BICD1: variants seen among roughly 807,000 people sequenced by gnomAD.
The protein encoded by BICD1 is BICD cargo adaptor 1.
Under a neutral mutation model 92.5 loss-of-function variants are expected in BICD1, and 35 were observed. The ratio of observed to expected loss-of-function variants is 0.38; its 90% CI spans 0.29 to 0.50. The LOEUF (loss-of-function observed/expected upper bound fraction) is 0.50, where lower values mean the gene tolerates loss of function less well. Among genes scored for constraint, BICD1 ranks in the 20% least tolerant of loss-of-function variants. The pLI is 0.93. For synonymous variants in BICD1, 429 were observed against 465.1 expected, an observed-to-expected ratio of 0.92 and a Z score of 1.00; for missense variants, 950 against 1,189.8, an observed-to-expected ratio of 0.80 and a Z score of 2.97.
At chr12:32,114,887 C>T (rs972942038) in intron 1 of BICD1, among the ~76,000 whole-genome samples, 5 of 152,240 alleles carry the variant, frequency 3.3e-5, no homozygotes, top group African/African-American at 1.2e-4. Flanking sequence ...TTAGCCCTTA[C>T]TCACCATTTA....
chr12:32,123,866 G>A (rs1292503698), intron 1 of BICD1, among the ~76,000 whole-genome samples: 1 of 150,592 alleles, frequency 6.6e-6, no homozygotes, highest in Admixed American at 6.6e-5. Context: ...GACAGAGCAA[G>A]ACTCCGTCTG....
intron 8 of BICD1, among the ~76,000 whole-genome samples, chr12:32,359,882 T>A (rs1272388560): frequency 1.3e-5 from 2 of 152,142 alleles, no homozygotes; most frequent in Admixed American, 1.3e-4. Context: ...CTCCTGCCTA[T>A]TTTTAAGGAT....
chr12:32,308,519 TATC>T (rs1373323898), intron 4 of BICD1, among the ~76,000 whole-genome samples: 2 of 152,362 alleles, frequency 1.3e-5, no homozygotes, highest in South Asian at 2.1e-4. Flanking sequence ...TATGAACTGT[TATC>T]ATTATTTCAA....
At chr12:32,268,634 A>G (rs957374446) in intron 2 of BICD1, among the ~76,000 whole-genome samples, 1 of 152,182 alleles carries the variant, frequency 6.6e-6, no homozygotes, top group African/African-American at 2.4e-5. Flanking sequence ...CGTCTCTACT[A>G]AAAATACAAA....
At chr12:32,175,981 A>G (rs555287792) in intron 1 of BICD1, among the ~76,000 whole-genome samples, 61 of 152,338 alleles carry the variant, frequency 4.0e-4, no homozygotes, top group African/African-American at 1.4e-3. Flanking sequence ...AGATGGTACC[A>G]TATGTGAACT....
chr12:32,117,792 C>A (rs147019778), intron 1 of BICD1, among the ~76,000 whole-genome samples: 1,441 of 142,830 alleles, frequency 0.01, 24 homozygotes, highest in African/African-American at 0.034. Flanking sequence ...CTCTCGTTGT[C>A]CAGGCTGGAG....
chr12:32,237,382 G>A (rs1224097024), intron 2 of BICD1, among the ~76,000 whole-genome samples: 1 of 152,234 alleles, frequency 6.6e-6, no homozygotes, highest in Non-Finnish European at 1.5e-5. Flanking sequence ...AGAAGATCTA[G>A]CTGAGATCAT....
intron 2 of BICD1, among the ~76,000 whole-genome samples, chr12:32,245,478 A>C (rs917607430): frequency 6.6e-6 from 1 of 152,202 alleles, no homozygotes; most frequent in East Asian, 1.9e-4. Context: ...TAAAGCAAAC[A>C]GTGTATTGAA....
At chr12:32,285,074 A>G (rs753660212) in intron 2 of BICD1, among the ~76,000 whole-genome samples, 3 of 152,220 alleles carry the variant, frequency 2.0e-5, no homozygotes, top group Non-Finnish European at 2.9e-5. Context: ...CAACACAAAT[A>G]TAAGGCTACT....
At position 32,245,243 on chromosome 12, in the gene BICD1, GTTTTTTGT is replaced by G. The variant is rs1407027868; in HGVS notation, c.426+28791_426+28798del. Among the ~76,000 whole-genome samples the G allele has an allele frequency of 4.0e-4, 48 of 119,958 alleles. 1 individual carries two copies. In the South Asian group the frequency reaches 0.012, roughly 30 times the overall value. 78.7% of individuals were successfully genotyped at this position (119,958 alleles called of 152,430 possible). A position where few individuals can be genotyped will look rare whatever the true frequency, so the allele number is the denominator to read the frequency against. On this transcript the variant is annotated intron_variant, in intron 2 of 9. Transcript: ENST00000652176. ...GCTGGGAATCAAAGAGCTTAGTTTTGTTTTTTGTTTTTTTTTTTTTTGAGACGGAGTCT... is the reference window on the plus strand; with the variant it reads ...GCTGGGAATCAAAGAGCTTAGTTTTGTTTTTTTTTTTTTGAGACGGAGTCT...
intron 2 of BICD1, among the ~76,000 whole-genome samples, chr12:32,259,504 C>T (rs557983342): frequency 3.0e-4 from 46 of 152,334 alleles, no homozygotes; most frequent in Admixed American, 9.2e-4. Context: ...CTTGTTCTTG[C>T]TGCATGTCTA....
chr12:32,221,106 A>C (rs1462331900), intron 2 of BICD1, among the ~76,000 whole-genome samples: 1 of 84,374 alleles, frequency 1.2e-5, no homozygotes, highest in Non-Finnish European at 2.2e-5. Context: ...GGGTGGGGGG[A>C]GGGGGAGGGA....
chr12:32,217,817 T>C (rs1294903467), intron 2 of BICD1, among the ~76,000 whole-genome samples: 5 of 152,188 alleles, frequency 3.3e-5, no homozygotes, highest in Admixed American at 1.3e-4. Flanking sequence ...CAGAGGGTCA[T>C]GTGGAGCCAA....
chr12:32,129,178 G>A (rs1438516697), intron 1 of BICD1, among the ~76,000 whole-genome samples: 4 of 151,186 alleles, frequency 2.6e-5, no homozygotes, highest in South Asian at 2.1e-4. Flanking sequence ...CAGGTGATCC[G>A]CCTGCCTCAG....
chr12:32,111,847 A>G (rs1440975077), intron 1 of BICD1, among the ~76,000 whole-genome samples: 3 of 152,150 alleles, frequency 2.0e-5, no homozygotes, highest in Admixed American at 6.5e-5. Flanking sequence ...TAAAGAAAAA[A>G]TATTTACATT....
At chr12:32,364,504 A>G (rs1244564538) in intron 8 of BICD1, among the ~76,000 whole-genome samples, 1 of 152,224 alleles carries the variant, frequency 6.6e-6, no homozygotes, top group Non-Finnish European at 1.5e-5. Flanking sequence ...TAGACCCGAG[A>G]AGAGGGATTT....
chr12:32,299,397 G>A (rs958866896), intron 3 of BICD1, among the ~76,000 whole-genome samples: 1 of 152,212 alleles, frequency 6.6e-6, no homozygotes, highest in Non-Finnish European at 1.5e-5. Context: ...GTTTGCCTCA[G>A]TGGGCACCAA....
At chr12:32,178,034 T>C (rs918569914) in intron 1 of BICD1, among the ~76,000 whole-genome samples, 12 of 151,560 alleles carry the variant, frequency 7.9e-5, no homozygotes, top group African/African-American at 2.7e-4. Context: ...GTTTACTTTT[T>C]AAAATCTTAT....
rs192820746 is a variant in BICD1, at chr12:32,249,008, C to G, written c.426+32549C>G. Among the ~76,000 whole-genome samples the G allele has an allele frequency of 1.1e-4, 16 of 152,268 alleles. No individual in the cohort carries two copies. In the East Asian group the frequency reaches 3.1e-3, roughly 29 times the overall value. ...ACTGCGGGCATGTTTAGGCAAGCCC[C>G]CTGTGCAAGTTCCCACATCTGCACA... On this transcript the variant is annotated intron_variant, in intron 2 of 9. Coordinates refer to ENST00000652176, the MANE Select transcript of BICD1 (RefSeq NM_001714.4).
Sources: gnomAD v4.1 joint callset for allele counts (sites outside exome capture counted in the v4.1 genomes callset) on GRCh38, gnomAD v4.1.1 for gene constraint, MANE v1.5 for transcripts, NCBI Gene and HGNC (gene_info 2026-07-23, HGNC 2026-07-21) for gene names.